The following STOX2 variants were observed in gnomAD, a reference collection of about 807,000 sequenced individuals.
STOX2 encodes storkhead-box protein 2.
STOX2 carries 28 observed loss-of-function variants against 60.9 expected under a neutral mutation model. The ratio of observed to expected loss-of-function variants is 0.46; its 90% confidence interval spans 0.34 to 0.63. The LOEUF is 0.63. Ranked by LOEUF, STOX2 falls within the 30% of genes least tolerant of loss-of-function variation. The probability of loss-of-function intolerance (pLI) is 0.01; values close to 1 mark genes in which losing one functional copy is unlikely to be tolerated. For missense variants in STOX2, 1,024 were observed against 1,187.7 expected, an observed-to-expected ratio of 0.86 and a Z score of 2.03; for synonymous variants, 472 against 463.9, an observed-to-expected ratio of 1.02 and a Z score of -0.22.
intron 1 of STOX2, among the ~76,000 whole-genome samples, chr4:183,992,828 A>G (rs890308268): frequency 2.0e-5 from 3 of 152,198 alleles, no homozygotes; most frequent in African/African-American, 7.2e-5. Context: ...TTCTACAAGC[A>G]TTTGAGGACC....
intron 1 of STOX2, among the ~76,000 whole-genome samples, chr4:183,799,733 A>AT (rs564510935): frequency 1.3e-3 from 198 of 151,880 alleles, no homozygotes; most frequent in African/African-American, 4.4e-3. Context: ...ATGCTCATGT[A>AT]TTTTTTTTAT....
chr4:183,972,992 TAGAA>T (rs1012356901), intron 1 of STOX2, among the ~76,000 whole-genome samples: 9 of 151,510 alleles, frequency 5.9e-5, no homozygotes, highest in African/African-American at 1.9e-4. Flanking sequence ...ATAAAGATAA[TAGAA>T]AGAGAAGAGA....
At chr4:183,873,148 T>C (rs927996576) in intron 1 of STOX2, among the ~76,000 whole-genome samples, 1 of 152,136 alleles carries the variant, frequency 6.6e-6, no homozygotes, top group African/African-American at 2.4e-5. Flanking sequence ...TGGGCACATA[T>C]AAAAATTGGG....
chr4:183,974,752 A>AG (rs1325238142), intron 1 of STOX2, among the ~76,000 whole-genome samples: 1 of 152,208 alleles, frequency 6.6e-6, no homozygotes, highest in African/African-American at 2.4e-5. Flanking sequence ...AATTATAGTT[A>AG]GGGGCTTCAA....
At chr4:183,943,867 ACT>A (rs1742815710) in intron 1 of STOX2, among the ~76,000 whole-genome samples, 1 of 152,072 alleles carries the variant, frequency 6.6e-6, no homozygotes, top group Non-Finnish European at 1.5e-5. Context: ...ACAGAGCAAG[ACT>A]CTGTCTCAAA....
intron 1 of STOX2, among the ~76,000 whole-genome samples, chr4:183,975,614 C>T (rs887457710): frequency 1.4e-4 from 22 of 152,074 alleles, no homozygotes; most frequent in African/African-American, 4.8e-4. Context: ...CCAAAACTCA[C>T]CCCAAAATAT....
chr4:183,999,664 C>T (rs182600352), intron 1 of STOX2, among the ~76,000 whole-genome samples: 211 of 152,302 alleles, frequency 1.4e-3, no homozygotes, highest in Admixed American at 2.5e-3. Flanking sequence ...TCCGAGGCAC[C>T]TGTTGGACTC....
chr4:183,844,512 G>A (rs1009095893), intron 1 of STOX2, among the ~76,000 whole-genome samples: 4 of 151,972 alleles, frequency 2.6e-5, no homozygotes, highest in Non-Finnish European at 5.9e-5. Flanking sequence ...TGACAATTTG[G>A]TTGTCAAATT....
chr4:183,861,940 G>A (rs560057935), intron 1 of STOX2, among the ~76,000 whole-genome samples: 1 of 152,230 alleles, frequency 6.6e-6, no homozygotes, highest in East Asian at 1.9e-4. Context: ...CAGGATCACA[G>A]GAGCCTCATC....
Position 183,906,652 on chromosome 4 carries a change from T to G in STOX2, c.-139T>G. 4.2e-6 allele frequency: 4 copies of G among 948,062 alleles called. No individual in the cohort carries two copies. The highest frequency in any genetic ancestry group is 1.8e-5 in the South Asian group (1 of 54,620). 58.7% of individuals were successfully genotyped at this position (948,062 alleles called of 1,614,324 possible). A position where few individuals can be genotyped will look rare whatever the true frequency, so the allele number is the denominator to read the frequency against. ...GGAGGGCCGGACCCGCCGCTGGCGG[T>G]GTAGACGCCGACGAGGAGGGGCTGG... is the stretch of plus-strand genomic sequence containing the variant. On this transcript the variant is annotated 5_prime_UTR_variant, in exon 1 of 4. Transcript: ENST00000308497.
chr4:183,900,869 A>G (rs1741445052), upstream of STOX2, among the ~76,000 whole-genome samples: 1 of 152,194 alleles, frequency 6.6e-6, no homozygotes. Context: ...AAAATTTATT[A>G]CTATTTTTAT....
chr4:183,966,229 G>A (rs1393951718), intron 1 of STOX2, among the ~76,000 whole-genome samples: 1 of 152,204 alleles, frequency 6.6e-6, no homozygotes, highest in African/African-American at 2.4e-5. Context: ...CATAGCTGGG[G>A]AAGAGAGGAG....
At chr4:183,956,368 C>G (rs1000319664) in intron 1 of STOX2, among the ~76,000 whole-genome samples, 1 of 107,142 alleles carries the variant, frequency 9.3e-6, no homozygotes, top group Admixed American at 9.1e-5. Flanking sequence ...TTTGTTCTAT[C>G]TATCTATCTA....
chr4:183,956,314 T>G (rs1040013068), intron 1 of STOX2, among the ~76,000 whole-genome samples: 3 of 152,230 alleles, frequency 2.0e-5, no homozygotes, highest in African/African-American at 7.2e-5. Flanking sequence ...GGAACACTAG[T>G]CTGCTATTCA....
chr4:183,958,683 G>A (rs1743327435), intron 1 of STOX2, among the ~76,000 whole-genome samples: 2 of 152,066 alleles, frequency 1.3e-5, no homozygotes, highest in Non-Finnish European at 2.9e-5. Context: ...CCGTCTGTTG[G>A]TTACTTGAAG....
intron 1 of STOX2, among the ~76,000 whole-genome samples, chr4:183,827,909 G>A (rs1048059916): frequency 6.6e-6 from 1 of 150,730 alleles, no homozygotes; most frequent in Non-Finnish European, 1.5e-5. Flanking sequence ...AAAAAAAGAC[G>A]GCCTTTATTG....
intron 1 of STOX2, among the ~76,000 whole-genome samples, chr4:183,947,081 GGGGGT>G (rs1742914793): frequency 2.8e-5 from 1 of 35,116 alleles, no homozygotes; most frequent in Admixed American, 3.9e-4. Flanking sequence ...TATCCTGGTG[GGGGGT>G]GGGGCAAGGG....
intron 1 of STOX2, among the ~76,000 whole-genome samples, chr4:183,937,594 C>G (rs1167877274): frequency 6.6e-6 from 1 of 152,172 alleles, no homozygotes; most frequent in Non-Finnish European, 1.5e-5. Flanking sequence ...TGATATTTCA[C>G]CAACATCCAA....
chr4:183,838,510 T>G (rs915462130), intron 1 of STOX2, among the ~76,000 whole-genome samples: 3 of 152,242 alleles, frequency 2.0e-5, no homozygotes, highest in African/African-American at 7.2e-5. Context: ...TATATAAATC[T>G]TTGTTGATAA....
Sources: allele counts gnomAD v4.1 joint callset (sites outside exome capture counted in the v4.1 genomes callset), GRCh38; gene constraint gnomAD v4.1.1; transcripts MANE v1.5; gene names NCBI Gene and HGNC (gene_info 2026-07-23, HGNC 2026-07-21).